TENM3: variants seen among roughly 807,000 people sequenced by gnomAD.
The protein encoded by TENM3 is teneurin transmembrane protein 3, also known as teneurin-3.
TENM3 carries 63 observed loss-of-function variants against 255.1 expected under a neutral mutation model. That is an observed-to-expected ratio of 0.25 (90% CI 0.20 to 0.30). The LOEUF is 0.30. Among genes scored for constraint, TENM3 ranks in the 10% least tolerant of loss-of-function variants. TENM3 has a pLI of 1.00. For missense variants in TENM3, 2,929 were observed against 3,461.1 expected (o/e 0.85, Z 3.86); for synonymous variants, 1,306 against 1,322.3 (o/e 0.99, Z 0.27).
At chr4:182,497,478 A>G (rs1735888897) in intron 3 of TENM3, among the ~76,000 whole-genome samples, 1 of 152,220 alleles carries the variant, frequency 6.6e-6, no homozygotes, top group Admixed American at 6.5e-5. Context: ...GTCTTTTAAT[A>G]TCTTTTAAAA....
chr4:181,464,189 C>T, the TENM3 span, among the ~76,000 whole-genome samples: 100 of 152,294 alleles, frequency 6.6e-4, no homozygotes, highest in African/African-American at 2.1e-3. Flanking sequence ...TACTGACTCA[C>T]GTGGCAAATC....
At chr4:182,131,918 G>C in the TENM3 span, among the ~76,000 whole-genome samples, 2 of 145,934 alleles carry the variant, frequency 1.4e-5, no homozygotes, top group African/African-American at 4.8e-5. Context: ...CTTTCAAAGA[G>C]GATTACCAAC....
the TENM3 span, among the ~76,000 whole-genome samples, chr4:181,855,527 C>A: frequency 6.6e-6 from 1 of 152,124 alleles, no homozygotes; most frequent in Non-Finnish European, 1.5e-5. Context: ...CTCAGAAGAA[C>A]CCTACAGGGG....
chr4:181,692,344 A>G, the TENM3 span, among the ~76,000 whole-genome samples: 1 of 152,194 alleles, frequency 6.6e-6, no homozygotes, highest in African/African-American at 2.4e-5. Context: ...CTAAGAGGCT[A>G]AAGTATAAGA....
At chr4:182,790,553 G>A (rs1401449939) in intron 25 of TENM3, among the ~76,000 whole-genome samples, 1 of 152,094 alleles carries the variant, frequency 6.6e-6, no homozygotes, top group East Asian at 1.9e-4. Flanking sequence ...TCTTACGGCA[G>A]CCCCCCACCT....
intron 3 of TENM3, among the ~76,000 whole-genome samples, chr4:182,534,782 G>A (rs1740129833): frequency 6.6e-6 from 1 of 152,332 alleles, no homozygotes; most frequent in East Asian, 1.9e-4. Context: ...TATACAGTGA[G>A]TAAGCACTTA....
the TENM3 span, among the ~76,000 whole-genome samples, chr4:181,626,142 T>A: frequency 6.6e-6 from 1 of 151,978 alleles, no homozygotes; most frequent in Non-Finnish European, 1.5e-5. Context: ...CACAATTGGG[T>A]AAATTGAAGG....
the TENM3 span, among the ~76,000 whole-genome samples, chr4:182,034,528 T>C: frequency 6.6e-6 from 1 of 152,236 alleles, no homozygotes; most frequent in African/African-American, 2.4e-5. Context: ...TGGTAAGTTT[T>C]TCCATTCCAT....
At chr4:182,203,288 C>A (rs1319081387) in intron 1 of TENM3, among the ~76,000 whole-genome samples, 2 of 152,026 alleles carry the variant, frequency 1.3e-5, no homozygotes, top group African/African-American at 4.8e-5. Context: ...CTCCACCCAG[C>A]TATCACATAA....
chr4:182,298,302 T>C (rs1462592952), intron 1 of TENM3, among the ~76,000 whole-genome samples: 3 of 152,138 alleles, frequency 2.0e-5, no homozygotes, highest in Non-Finnish European at 4.4e-5. Flanking sequence ...GAAATAGTTG[T>C]TGGATAAAGA....
chr4:181,957,462 A>G, the TENM3 span, among the ~76,000 whole-genome samples: 1 of 152,236 alleles, frequency 6.6e-6, no homozygotes, highest in Admixed American at 6.5e-5. Context: ...TGGAAGAATC[A>G]CAGGGTGAAT....
At chr4:182,099,580 T>G in the TENM3 span, among the ~76,000 whole-genome samples, 1 of 152,140 alleles carries the variant, frequency 6.6e-6, no homozygotes, top group Non-Finnish European at 1.5e-5. Context: ...CAAATCTCAT[T>G]GTTTGTAAAT....
intron 1 of TENM3, among the ~76,000 whole-genome samples, chr4:182,216,378 G>A (rs2149927973): frequency 6.6e-6 from 1 of 152,298 alleles, no homozygotes; most frequent in South Asian, 2.1e-4. Flanking sequence ...GTTTCCACAT[G>A]GTCTTGCCTA....
At chr4:182,320,352 G>A (rs1762978406) in intron 1 of TENM3, among the ~76,000 whole-genome samples, 1 of 152,198 alleles carries the variant, frequency 6.6e-6, no homozygotes, top group South Asian at 2.1e-4. Context: ...CACCTCTGCG[G>A]TCCAGAGAAG....
At chr4:182,017,419 G>C in the TENM3 span, among the ~76,000 whole-genome samples, 1 of 152,190 alleles carries the variant, frequency 6.6e-6, no homozygotes, top group Non-Finnish European at 1.5e-5. Context: ...GTTTTACGTA[G>C]TCATTAAGAT....
chr4:181,966,573 C>A, the TENM3 span, among the ~76,000 whole-genome samples: 2 of 152,110 alleles, frequency 1.3e-5, no homozygotes, highest in African/African-American at 2.4e-5. Flanking sequence ...GAATAAAATG[C>A]GAGCTGAAAT....
the TENM3 span, among the ~76,000 whole-genome samples, chr4:181,740,034 C>T: frequency 3.5e-3 from 527 of 152,294 alleles, 5 homozygotes; most frequent in Middle Eastern, 0.014. Flanking sequence ...ATTTACCTAA[C>T]TGTAAACACA....
the TENM3 span, among the ~76,000 whole-genome samples, chr4:181,920,291 T>A: frequency 6.6e-6 from 1 of 151,992 alleles, no homozygotes; most frequent in African/African-American, 2.4e-5. Context: ...TAGTTCTAGA[T>A]CCCTGAGGAA....
At chr4:182,010,554 G>T in the TENM3 span, among the ~76,000 whole-genome samples, 2 of 151,838 alleles carry the variant, frequency 1.3e-5, no homozygotes, top group Non-Finnish European at 2.9e-5. Context: ...ATTTTTCAAA[G>T]AAAAAATGGG....
Sources: gnomAD v4.1 joint callset for allele counts (sites outside exome capture counted in the v4.1 genomes callset) on GRCh38, gnomAD v4.1.1 for gene constraint, MANE v1.5 for transcripts, NCBI Gene and HGNC (gene_info 2026-07-23, HGNC 2026-07-21) for gene names.